The following RAB7A variants were observed in gnomAD, a reference collection of about 807,000 sequenced individuals.
RAB7A encodes the protein RAB7A, member RAS oncogene family.
In RAB7A, 2 loss-of-function variants were observed where a neutral mutation model predicts 24.5. The observed-to-expected ratio is 0.08, with a 90% confidence interval of 0.03 to 0.26. The LOEUF (loss-of-function observed/expected upper bound fraction) is 0.26. Ranked by LOEUF, RAB7A falls within the 10% of genes least tolerant of loss-of-function variation. RAB7A has a pLI of 1.00. For missense variants in RAB7A, 118 were observed against 255.7 expected, an observed-to-expected ratio of 0.46 and a Z score of 3.67; for synonymous variants, 100 against 95.9, an observed-to-expected ratio of 1.04 and a Z score of -0.25.
intron 1 of RAB7A, among the ~76,000 whole-genome samples, chr3:128,782,114 T>C (rs1184250967): frequency 6.6e-6 from 1 of 152,234 alleles, no homozygotes; most frequent in East Asian, 1.9e-4. Context: ...GTGTTCAGTA[T>C]AATTAGCAGT....
At chr3:128,809,248 T>G (rs1265632507) in intron 5 of RAB7A, among the ~76,000 whole-genome samples, 1 of 152,272 alleles carries the variant, frequency 6.6e-6, no homozygotes, top group Non-Finnish European at 1.5e-5. Context: ...TATCTTATTG[T>G]AAGTCAGGGT....
At chr3:128,736,431 C>G (rs2070490011) in intron 1 of RAB7A, among the ~76,000 whole-genome samples, 1 of 152,132 alleles carries the variant, frequency 6.6e-6, no homozygotes, top group Non-Finnish European at 1.5e-5. Flanking sequence ...CAAGCACTAT[C>G]AGACAGAATA....
At chr3:128,774,002 T>G (rs1236890702) in intron 1 of RAB7A, among the ~76,000 whole-genome samples, 2 of 151,040 alleles carry the variant, frequency 1.3e-5, no homozygotes, top group Admixed American at 6.6e-5. Context: ...CTTGTTTATG[T>G]GCTGACCTTC....
At chr3:128,733,879 A>G (rs972397927) in intron 1 of RAB7A, among the ~76,000 whole-genome samples, 1 of 152,236 alleles carries the variant, frequency 6.6e-6, no homozygotes, top group African/African-American at 2.4e-5. Flanking sequence ...CCAGTTTTCA[A>G]AAGTTGTACC....
At position 128,814,509 on chromosome 3, in the gene RAB7A, T is replaced by A. The variant is rs1933997404; in HGVS notation, c.*1087T>A. ...ACCCTAACAGATCTGTCCTAGTGAT[T>A]TTACCTTTGTTCTAGAAGGCGCTCC... On this transcript the variant is annotated 3_prime_UTR_variant, in exon 6 of 6. Transcript: ENST00000265062. The A allele has an allele frequency of 6.6e-6, 1 of 152,644 alleles. No individual in the cohort carries two copies. The highest frequency in any genetic ancestry group is 1.5e-5 in the Non-Finnish European group (1 of 68,044). 9.5% of individuals were successfully genotyped at this position (152,644 alleles called of 1,614,324 possible).
At chr3:128,760,827 A>G (rs1462735150) in intron 1 of RAB7A, among the ~76,000 whole-genome samples, 1 of 152,246 alleles carries the variant, frequency 6.6e-6, no homozygotes, top group Non-Finnish European at 1.5e-5. Context: ...CCTAGGCAAA[A>G]TCATGTCATT....
intron 1 of RAB7A, among the ~76,000 whole-genome samples, chr3:128,776,114 C>T (rs1310125411): frequency 1.3e-5 from 2 of 152,120 alleles, no homozygotes; most frequent in Non-Finnish European, 2.9e-5. Flanking sequence ...CTTTAGATTC[C>T]ACAGATAAGT....
chr3:128,770,758 T>C (rs2070877222), intron 1 of RAB7A, among the ~76,000 whole-genome samples: 1 of 152,150 alleles, frequency 6.6e-6, no homozygotes, highest in Admixed American at 6.6e-5. Flanking sequence ...AAAGAAAATA[T>C]CCAAAAACTT....
intron 1 of RAB7A, among the ~76,000 whole-genome samples, chr3:128,746,072 A>G (rs1271981321): frequency 6.6e-6 from 1 of 152,202 alleles, no homozygotes; most frequent in African/African-American, 2.4e-5. Context: ...AGACTCGGAT[A>G]TTCTGAAATG....
chr3:128,804,731 C>T (rs982245071), intron 3 of RAB7A, among the ~76,000 whole-genome samples: 9 of 152,076 alleles, frequency 5.9e-5, no homozygotes, highest in Non-Finnish European at 1.2e-4. Context: ...TAACAGAGTT[C>T]TTATGTAATT....
intron 1 of RAB7A, among the ~76,000 whole-genome samples, chr3:128,784,847 G>A (rs138581391): frequency 6.6e-5 from 10 of 151,666 alleles, no homozygotes; most frequent in African/African-American, 1.5e-4. Flanking sequence ...TTATAGTCTC[G>A]TATCTACTTT....
chr3:128,747,924 C>T (rs1337617531), intron 1 of RAB7A, among the ~76,000 whole-genome samples: 2 of 151,730 alleles, frequency 1.3e-5, no homozygotes, highest in Non-Finnish European at 2.9e-5. Context: ...CGTGCCACCA[C>T]GCCCAGCTAA....
intron 1 of RAB7A, among the ~76,000 whole-genome samples, chr3:128,736,307 C>T (rs1033611356): frequency 3.9e-5 from 6 of 152,006 alleles, no homozygotes; most frequent in East Asian, 1.9e-4. Flanking sequence ...GCATCTTCTG[C>T]GGAAGAACAG....
intron 1 of RAB7A, among the ~76,000 whole-genome samples, chr3:128,747,686 A>G (rs367731860): frequency 6.6e-6 from 1 of 151,772 alleles, no homozygotes; most frequent in Non-Finnish European, 1.5e-5. Context: ...TCAGCTGTCC[A>G]TTGGTGCCAC....
intron 1 of RAB7A, among the ~76,000 whole-genome samples, chr3:128,735,756 T>A (rs2070484714): frequency 1.3e-5 from 2 of 152,188 alleles, no homozygotes; most frequent in African/African-American, 4.8e-5. Flanking sequence ...TTTTACTGGT[T>A]AAATGCCTGA....
chr3:128,748,828 C>T (rs2070646863), intron 1 of RAB7A: 1 of 152,132 alleles, frequency 6.6e-6, no homozygotes, highest in Admixed American at 6.5e-5. Flanking sequence ...TTTTGTAATT[C>T]CCGTAACATA....
At position 128,809,640 on chromosome 3, in the gene RAB7A, C is replaced by A. The variant is rs186326468; in HGVS notation, c.528+1969C>A. Among the ~76,000 whole-genome samples the A allele has an allele frequency of 2.0e-5, 3 of 152,276 alleles. No individual in the cohort carries two copies. The East Asian group carries it at 5.8e-4, about 29-fold the overall frequency. ...TATGTCATTTTAAGTTTCTATGTTTCCTGTGTCTACCTCAGATTTTTCTGT... is the reference window on the plus strand; with the variant it reads ...TATGTCATTTTAAGTTTCTATGTTTACTGTGTCTACCTCAGATTTTTCTGT... On this transcript the variant is annotated intron_variant, in intron 5 of 5. Coordinates refer to ENST00000265062, the MANE Select transcript of RAB7A (RefSeq NM_004637.6).
intron 1 of RAB7A, among the ~76,000 whole-genome samples, chr3:128,781,079 G>A (rs530118846): frequency 6.6e-6 from 1 of 152,342 alleles, no homozygotes; most frequent in African/African-American, 2.4e-5. Flanking sequence ...GTTTTAGGTA[G>A]TATATAGCTG....
chr3:128,789,751 T>C lies in RAB7A; in HGVS notation c.-8-5609T>C, dbSNP rs184239770. On this transcript the variant is annotated intron_variant, in intron 1 of 5. Coordinates refer to ENST00000265062, the MANE Select transcript of RAB7A (RefSeq NM_004637.6). ...TGAAGCTAACTCTGCTTGGGCAGCT[T>C]CTTGTAGCAAAAGTTGCATTTAGTG... 4.6e-5 allele frequency among the ~76,000 whole-genome samples: 7 copies of C among 152,106 alleles called. No individual in the cohort carries two copies. The East Asian group carries it at 1.2e-3, about 25-fold the overall frequency.
Sources: gnomAD v4.1 joint callset for allele counts (sites outside exome capture counted in the v4.1 genomes callset) on GRCh38, gnomAD v4.1.1 for gene constraint, MANE v1.5 for transcripts, NCBI Gene and HGNC (gene_info 2026-07-23, HGNC 2026-07-21) for gene names.